DDI2: variants seen among roughly 807,000 people sequenced by gnomAD.
DDI2 encodes the protein DDI proteasomal shuttling factor 2, also known as protein DDI1 homolog 2.
In DDI2, 5 loss-of-function variants were observed where a neutral mutation model predicts 48.1. That is an observed-to-expected ratio of 0.10 (90% CI 0.05 to 0.22). The LOEUF is 0.22. Among genes scored for constraint, DDI2 ranks in the 10% least tolerant of loss-of-function variants. DDI2 has a pLI of 1.00. For missense variants in DDI2, 285 were observed against 506.2 expected (o/e 0.56, Z 4.19); for synonymous variants, 205 against 183.6 (o/e 1.12, Z -0.94).
Position 15,660,754 on chromosome 1 carries a change from C to A in DDI2, c.*964C>A, listed in dbSNP as rs757602095. 5.6e-6 allele frequency: 9 copies of A among 1,613,598 alleles called. No homozygotes were observed. The South Asian group carries it at 9.9e-5, about 18-fold the overall frequency. On this transcript the variant is annotated 3_prime_UTR_variant, in exon 10 of 10. Coordinates refer to ENST00000480945, the MANE Select transcript of DDI2 (RefSeq NM_032341.5). ...GGAAGTAGAAACATCAAAATGTAAC[C>A]CTTCATCTGAAATTTTGAATGATTC...
intron 1 of DDI2, 52 bp from the exon 2 acceptor site, chr1:15,626,617 G>T (rs184663763): frequency 6.2e-7 from 1 of 1,607,908 alleles, no homozygotes; most frequent in African/African-American, 1.3e-5. Context: ...TCTGCCTTGC[G>T]CTGTGTTACT....
At position 15,660,397 on chromosome 1, in the gene DDI2, G is replaced by A; in HGVS notation, c.*607G>A. The A allele has an allele frequency of 6.2e-7, 1 of 1,614,012 alleles. No individual in the cohort carries two copies. Among genetic ancestry groups the A allele is most frequent in the Non-Finnish European group, 8.5e-7 (1 of 1,180,012 alleles). Reference sequence around the variant, plus strand: ...CGAAGAACCAGGGAATGAACAGTATGAGGTTGCACAACAAAAAGCTTCACA... The same window carrying A: ...CGAAGAACCAGGGAATGAACAGTATAAGGTTGCACAACAAAAAGCTTCACA... On this transcript the variant is annotated 3_prime_UTR_variant, in exon 10 of 10. Transcript: ENST00000480945.
At chr1:15,656,596 T>C in intron 8 of DDI2, 21 bp from the exon 9 acceptor site, 1 of 1,614,182 alleles carries the variant, frequency 6.2e-7, no homozygotes, top group Non-Finnish European at 8.5e-7. Context: ...AGTTTGCTTG[T>C]CTGTTTCCTA....
Position 15,666,383 on chromosome 1 carries a change from C to T in DDI2, c.*6593C>T, listed in dbSNP as rs984817082. 6.6e-6 allele frequency: 1 copy of T among 152,180 alleles called. No individual in the cohort carries two copies. 9.4% of individuals were successfully genotyped at this position (152,180 alleles called of 1,614,324 possible). ...GAGGGCACACAGAGTGGTCCTCAGG[C>T]TCACCTTGACTGAGTTGATTCACAG... On this transcript the variant is annotated 3_prime_UTR_variant, in exon 10 of 10. Coordinates refer to ENST00000480945, the MANE Select transcript of DDI2 (RefSeq NM_032341.5).
intron 9 of DDI2, 87 bp downstream of exon 9, chr1:15,656,766 A>C (rs1269685718): frequency 6.3e-7 from 1 of 1,578,632 alleles, no homozygotes; most frequent in Admixed American, 1.7e-5. Context: ...GGAAGTTAGC[A>C]TTTGTCATTC....
chr1:15,642,272 A>G (rs1485009154), intron 5 of DDI2, among the ~76,000 whole-genome samples: 1 of 152,154 alleles, frequency 6.6e-6, no homozygotes, highest in Non-Finnish European at 1.5e-5. Context: ...ACATAGGCCA[A>G]CCCGCCGTGT....
chr1:15,657,708 T>G (rs1314834065), intron 9 of DDI2, among the ~76,000 whole-genome samples: 1 of 152,206 alleles, frequency 6.6e-6, no homozygotes, highest in East Asian at 1.9e-4. Context: ...TTCACTACAG[T>G]GCATTGTTTC....
chr1:15,623,556 G>GCTTCTTCTT (rs140856838), intron 1 of DDI2, among the ~76,000 whole-genome samples: 153 of 141,604 alleles, frequency 1.1e-3, no homozygotes, highest in African/African-American at 3.4e-3. Flanking sequence ...ACCATGCCTG[G>GCTTCTTCTT]CTTATTATTA....
rs1431817002 is a variant in DDI2, at chr1:15,633,574, C to A, written c.632+9C>A. Reference sequence around the variant, plus strand: ...ATAGAAGAAGATATAAGGTAAAGACCTGTTCATCTAAAGAACAAAACTTAG... The same window carrying A: ...ATAGAAGAAGATATAAGGTAAAGACATGTTCATCTAAAGAACAAAACTTAG... On this transcript the variant is annotated intron_variant, in intron 4 of 9. Transcript: ENST00000480945. The A allele has an allele frequency of 6.2e-7, 1 of 1,610,190 alleles. No homozygotes were observed.
chr1:15,656,738 T>C (rs1640278607), intron 9 of DDI2, 59 bp downstream of exon 9: 1 of 1,606,626 alleles, frequency 6.2e-7, no homozygotes, highest in African/African-American at 1.3e-5. Flanking sequence ...TCTGACAGTC[T>C]GTATCCGCAG....
At chr1:15,638,489 C>G in intron 5 of DDI2, 55 bp downstream of exon 5, 1 of 1,543,836 alleles carries the variant, frequency 6.5e-7, no homozygotes, top group Non-Finnish European at 8.8e-7. Flanking sequence ...TTACCTGACA[C>G]GGGAGAAGGG....
Position 15,667,385 on chromosome 1 carries a change from A to C in DDI2, c.*7595A>C, listed in dbSNP as rs1640469780. 1 of 152,188 alleles carries C rather than the reference A, an allele frequency of 6.6e-6. No individual in the cohort carries two copies. Among genetic ancestry groups the C allele is most frequent in the African/African-American group, 2.4e-5 (1 of 41,438 alleles). 9.4% of individuals were successfully genotyped at this position (152,188 alleles called of 1,614,324 possible). On this transcript the variant is annotated 3_prime_UTR_variant, in exon 10 of 10. Transcript: ENST00000480945. ...ATGACCCTAAAAATGCACCAGTGACAGTCAGTCAATCCATCAGACCACCTC... is the reference window on the plus strand; with the variant it reads ...ATGACCCTAAAAATGCACCAGTGACCGTCAGTCAATCCATCAGACCACCTC...
At chr1:15,646,273 TG>T (rs1640089501) in intron 6 of DDI2, among the ~76,000 whole-genome samples, 1 of 152,230 alleles carries the variant, frequency 6.6e-6, no homozygotes, top group Non-Finnish European at 1.5e-5. Flanking sequence ...CCAGTTCCTA[TG>T]CTCCATAGGA....
chr1:15,635,357 G>C (rs1441519660), intron 4 of DDI2, among the ~76,000 whole-genome samples: 2 of 152,144 alleles, frequency 1.3e-5, no homozygotes, highest in African/African-American at 2.4e-5. Context: ...TAAGGCTCAT[G>C]TTTCTTTCTA....
chr1:15,638,184 A>G, intron 4 of DDI2, 123 bp from the exon 5 acceptor site: 1 of 1,388,234 alleles, frequency 7.2e-7, no homozygotes, highest in Non-Finnish European at 9.8e-7. Context: ...TTTTTCTATG[A>G]CTCGGCTGCT....
intron 6 of DDI2, among the ~76,000 whole-genome samples, chr1:15,649,383 C>T (rs1442550693): frequency 6.9e-6 from 1 of 144,790 alleles, no homozygotes; most frequent in Non-Finnish European, 1.5e-5. Flanking sequence ...ATGAAAAGAA[C>T]TTTTCAGCTG....
At position 15,660,288 on chromosome 1, in the gene DDI2, G is replaced by A; in HGVS notation, c.*498G>A. 1 of 1,614,170 alleles carries A rather than the reference G, an allele frequency of 6.2e-7. No individual in the cohort carries two copies. Among genetic ancestry groups the A allele is most frequent in the Non-Finnish European group, 8.5e-7 (1 of 1,180,042 alleles). ...GTTTATCTGTCACATCTACTAGGATGCATGAACCACAGATGTTTCTAGGTG... is the reference window on the plus strand; with the variant it reads ...GTTTATCTGTCACATCTACTAGGATACATGAACCACAGATGTTTCTAGGTG... On this transcript the variant is annotated 3_prime_UTR_variant, in exon 10 of 10. Coordinates refer to ENST00000480945, the MANE Select transcript of DDI2 (RefSeq NM_032341.5).
chr1:15,641,156 A>G (rs1640001464), intron 5 of DDI2, among the ~76,000 whole-genome samples: 1 of 152,194 alleles, frequency 6.6e-6, no homozygotes, highest in Admixed American at 6.5e-5. Flanking sequence ...TTTTAAGCAG[A>G]TGAAGAAGTA....
intron 2 of DDI2, among the ~76,000 whole-genome samples, 180 bp from the exon 3 acceptor site, chr1:15,630,145 C>T (rs1272867465): frequency 2.0e-5 from 3 of 152,064 alleles, no homozygotes; most frequent in East Asian, 3.8e-4. Flanking sequence ...CTTCTTCTAT[C>T]GATTCACTCT....
Sources: allele counts gnomAD v4.1 joint callset (sites outside exome capture counted in the v4.1 genomes callset), GRCh38; gene constraint gnomAD v4.1.1; transcripts MANE v1.5; gene names NCBI Gene and HGNC (gene_info 2026-07-23, HGNC 2026-07-21).